Variants in FOXP2 observed in about 807,000 individuals in gnomAD.
FOXP2 encodes forkhead box P2.
A neutral mutation model predicts 115.8 loss-of-function variants in FOXP2; 12 were observed. The observed-to-expected ratio is 0.10, with a 90% confidence interval of 0.07 to 0.17. FOXP2 has a LOEUF of 0.17. Ranked by LOEUF, FOXP2 falls within the 10% of genes least tolerant of loss-of-function variation. The pLI, the probability that FOXP2 is intolerant of heterozygous loss-of-function variation, is 1.00. For synonymous variants in FOXP2, 328 were observed against 297.7 expected, an observed-to-expected ratio of 1.10 and a Z score of -1.05; for missense variants, 629 against 843.5, an observed-to-expected ratio of 0.75 and a Z score of 3.15.
At chr7:114,213,357 A>C (rs1362576708) in intron 1 of FOXP2, among the ~76,000 whole-genome samples, 2 of 152,200 alleles carry the variant, frequency 1.3e-5, no homozygotes, top group Non-Finnish European at 2.9e-5. Context: ...ATAACTGTAC[A>C]TTTTGGAGAA....
At chr7:114,307,642 G>A (rs978605447) in intron 2 of FOXP2, among the ~76,000 whole-genome samples, 20 of 152,194 alleles carry the variant, frequency 1.3e-4, no homozygotes, top group African/African-American at 4.6e-4. Flanking sequence ...CAGATTCACT[G>A]AATAGCTGCA....
intron 1 of FOXP2, among the ~76,000 whole-genome samples, chr7:114,120,042 T>A (rs1441955777): frequency 6.6e-6 from 1 of 152,160 alleles, no homozygotes; most frequent in Non-Finnish European, 1.5e-5. Flanking sequence ...AAAACATTTA[T>A]ATATTCTGAC....
upstream of FOXP2, among the ~76,000 whole-genome samples, chr7:114,160,151 T>C (rs1483450646): frequency 1.3e-5 from 2 of 152,106 alleles, no homozygotes; most frequent in Non-Finnish European, 1.5e-5. Flanking sequence ...ATTAGAGTAA[T>C]ATTTTTAGGT....
intron 1 of FOXP2, among the ~76,000 whole-genome samples, chr7:114,109,375 C>T (rs1019222117): frequency 6.6e-6 from 1 of 151,962 alleles, no homozygotes; most frequent in African/African-American, 2.4e-5. Flanking sequence ...CTTCATAATT[C>T]ATCCTAATAG....
At chr7:114,268,691 T>C (rs564919647) in intron 1 of FOXP2, among the ~76,000 whole-genome samples, 1 of 140,106 alleles carries the variant, frequency 7.1e-6, no homozygotes, top group East Asian at 2.1e-4. Context: ...GTGAAGTCTA[T>C]ACTCCCCACT....
intron 9 of FOXP2, 76 bp downstream of exon 9, chr7:114,652,366 T>G: frequency 7.7e-7 from 1 of 1,297,366 alleles, no homozygotes; most frequent in Non-Finnish European, 1.1e-6. Flanking sequence ...AGATTCTGGG[T>G]CTTTCAGCCT....
chr7:114,143,301 G>T (rs1040652462), intron 1 of FOXP2, among the ~76,000 whole-genome samples: 1 of 151,870 alleles, frequency 6.6e-6, no homozygotes, highest in Non-Finnish European at 1.5e-5. Context: ...TACTTTAAAA[G>T]GCCTAATTTA....
At chr7:114,569,206 G>A (rs1032384949) in intron 3 of FOXP2, among the ~76,000 whole-genome samples, 4 of 151,836 alleles carry the variant, frequency 2.6e-5, no homozygotes, top group East Asian at 1.9e-4. Context: ...TCCAAAAATC[G>A]TGTGGCTTGT....
intron 1 of FOXP2, among the ~76,000 whole-genome samples, chr7:114,163,481 A>T (rs2129151093): frequency 6.6e-6 from 1 of 152,104 alleles, no homozygotes; most frequent in Non-Finnish European, 1.5e-5. Flanking sequence ...GACTATCTTA[A>T]TATGTCTGCT....
chr7:114,301,030 T>G (rs1367031488), intron 2 of FOXP2, among the ~76,000 whole-genome samples: 1 of 152,046 alleles, frequency 6.6e-6, no homozygotes, highest in African/African-American at 2.4e-5. Flanking sequence ...TTGAGATATA[T>G]TATTTCAAAA....
At chr7:114,587,223 C>T (rs919650896) in intron 3 of FOXP2, among the ~76,000 whole-genome samples, 1 of 152,040 alleles carries the variant, frequency 6.6e-6, no homozygotes, top group African/African-American at 2.4e-5. Flanking sequence ...GTTCTCCCTT[C>T]TCTTGCTCCC....
rs1047962759 is a variant in FOXP2, at chr7:114,395,018, GA to G, written c.-10-31481del. On this transcript the variant is annotated intron_variant, in intron 2 of 17. Coordinates refer to the FOXP2 transcript ENST00000634411. ...TGCAGGAAAAAATTCTTGTTTCTAA[GA>G]AATGTACACTGAAATATTGGGAGGC... 3.3e-5 allele frequency among the ~76,000 whole-genome samples: 5 copies of G among 152,226 alleles called. No individual in the cohort carries two copies. The South Asian group carries it at 6.2e-4, about 19-fold the overall frequency.
intron 2 of FOXP2, among the ~76,000 whole-genome samples, chr7:114,334,425 G>A (rs1797789957): frequency 1.3e-5 from 2 of 151,828 alleles, no homozygotes; most frequent in South Asian, 4.1e-4. Context: ...TAGAGAGAAT[G>A]ATAAATAGAG....
intron 2 of FOXP2, among the ~76,000 whole-genome samples, chr7:114,382,438 C>T (rs60254622): frequency 0.017 from 2,579 of 152,226 alleles, 69 homozygotes; most frequent in African/African-American, 0.058. Flanking sequence ...GGGGCATGGA[C>T]GAGGTGGTGG....
At chr7:114,354,074 G>A (rs1674749178) in intron 2 of FOXP2, among the ~76,000 whole-genome samples, 1 of 152,090 alleles carries the variant, frequency 6.6e-6, no homozygotes, top group African/African-American at 2.4e-5. Context: ...CAATCATGTT[G>A]GGCATCAGCC....
At chr7:114,665,077 T>A (rs1807091743) in intron 16 of FOXP2, 1 of 152,304 alleles carries the variant, frequency 6.6e-6, no homozygotes, top group African/African-American at 2.4e-5. Context: ...CTCTAAAATC[T>A]TTCCCCTACC....
chr7:114,359,251 G>C (rs564781119), intron 2 of FOXP2, among the ~76,000 whole-genome samples: 1 of 152,220 alleles, frequency 6.6e-6, no homozygotes, highest in Non-Finnish European at 1.5e-5. Context: ...CAAGTGCACA[G>C]AAGTTAAGAA....
intron 16 of FOXP2, among the ~76,000 whole-genome samples, chr7:114,686,012 A>G (rs1419541070): frequency 2.0e-5 from 3 of 151,928 alleles, no homozygotes; most frequent in Non-Finnish European, 4.4e-5. Flanking sequence ...AACCGTCTTC[A>G]CCATATAACA....
intron 3 of FOXP2, among the ~76,000 whole-genome samples, chr7:114,558,124 A>G (rs1800559904): frequency 6.6e-6 from 1 of 152,128 alleles, no homozygotes; most frequent in African/African-American, 2.4e-5. Flanking sequence ...TTAATATACT[A>G]GAGATTACTA....
Sources: allele counts gnomAD v4.1 joint callset (sites outside exome capture counted in the v4.1 genomes callset), GRCh38; gene constraint gnomAD v4.1.1; transcripts MANE v1.5; gene names NCBI Gene and HGNC (gene_info 2026-07-23, HGNC 2026-07-21).